The following LPP variants were observed in gnomAD, a reference collection of about 807,000 sequenced individuals.
The protein encoded by LPP is LIM domain containing preferred translocation partner in lipoma.
A neutral mutation model predicts 60.4 loss-of-function variants in LPP; 38 were observed. The ratio of observed to expected loss-of-function variants is 0.63; its 90% CI spans 0.49 to 0.83. The LOEUF (loss-of-function observed/expected upper bound fraction) is 0.83, where lower values mean the gene tolerates loss of function less well. LPP is among the 40% of genes least tolerant of loss of function. LPP has a pLI of 0.00. For synonymous variants in LPP, 328 were observed against 290.8 expected (o/e 1.13, Z -1.30); for missense variants, 902 against 783.6 (o/e 1.15, Z -1.80).
chr3:188,600,653 T>C (rs897609617), intron 6 of LPP, among the ~76,000 whole-genome samples: 1 of 152,130 alleles, frequency 6.6e-6, no homozygotes, highest in South Asian at 2.1e-4. Flanking sequence ...CCAGCAGAAC[T>C]GTATCTATTC....
intron 1 of LPP, among the ~76,000 whole-genome samples, chr3:188,216,255 CTCG>C (rs1288097446): frequency 3.3e-5 from 5 of 150,072 alleles, no homozygotes; most frequent in African/African-American, 1.2e-4. Context: ...CTTGACTCTG[CTCG>C]TCTTCTTCTT....
At chr3:188,248,495 T>TATATATATATACACATATAC (rs1358563921) in intron 2 of LPP, among the ~76,000 whole-genome samples, 4 of 138,594 alleles carry the variant, frequency 2.9e-5, no homozygotes, top group African/African-American at 8.6e-5. Flanking sequence ...TATATATATA[T>TATATATATATACACATATAC]ATACAGTCAG....
intron 6 of LPP, among the ~76,000 whole-genome samples, chr3:188,577,263 T>C (rs1302721644): frequency 6.6e-6 from 1 of 152,194 alleles, no homozygotes; most frequent in Non-Finnish European, 1.5e-5. Context: ...TCCCTGACAA[T>C]AACAAATTAT....
At chr3:188,374,182 G>T (rs1774208204) in intron 3 of LPP, among the ~76,000 whole-genome samples, 1 of 151,974 alleles carries the variant, frequency 6.6e-6, no homozygotes, top group African/African-American at 2.4e-5. Context: ...GATTGACTTG[G>T]CGATGCAGGC....
intron 9 of LPP, among the ~76,000 whole-genome samples, chr3:188,842,008 C>T (rs532856449): frequency 2.4e-4 from 37 of 152,324 alleles, no homozygotes; most frequent in Middle Eastern, 6.8e-3. Flanking sequence ...AATTAGACTT[C>T]CTCTCTTTCT....
chr3:188,395,682 T>G (rs1394839718), intron 3 of LPP, among the ~76,000 whole-genome samples: 1 of 152,120 alleles, frequency 6.6e-6, no homozygotes, highest in Non-Finnish European at 1.5e-5. Flanking sequence ...TCTCAGCAGT[T>G]TGGGAGGCCA....
chr3:188,163,629 G>A (rs951250306), intron 1 of LPP, among the ~76,000 whole-genome samples: 2 of 152,046 alleles, frequency 1.3e-5, no homozygotes, highest in African/African-American at 4.8e-5. Context: ...GTTAGAGGGG[G>A]TGCTAGGTGC....
At chr3:188,232,349 T>G (rs1720315654) in intron 2 of LPP, among the ~76,000 whole-genome samples, 1 of 151,722 alleles carries the variant, frequency 6.6e-6, no homozygotes, top group Non-Finnish European at 1.5e-5. Context: ...AATACTCATC[T>G]TATTCTTTTT....
At chr3:188,789,170 A>G (rs1324950943) in intron 9 of LPP, among the ~76,000 whole-genome samples, 1 of 152,104 alleles carries the variant, frequency 6.6e-6, no homozygotes, top group Non-Finnish European at 1.5e-5. Context: ...ATGCTATTGC[A>G]CACTTAATAG....
At chr3:188,388,011 T>C (rs893750018) in intron 3 of LPP, among the ~76,000 whole-genome samples, 3 of 152,172 alleles carry the variant, frequency 2.0e-5, no homozygotes, top group Non-Finnish European at 2.9e-5. Context: ...GTTTTTTTGG[T>C]ATTAGCATTT....
chr3:188,594,314 T>G (rs992739849), intron 6 of LPP, among the ~76,000 whole-genome samples: 1 of 152,176 alleles, frequency 6.6e-6, no homozygotes, highest in Non-Finnish European at 1.5e-5. Flanking sequence ...CTAAAGCAAT[T>G]CAGCAGTTCA....
chr3:188,657,361 G>T (rs1442779004), intron 7 of LPP, among the ~76,000 whole-genome samples: 2 of 149,186 alleles, frequency 1.3e-5, no homozygotes, highest in East Asian at 2.0e-4. Context: ...AAAAGGCAAA[G>T]AATTCTGTGA....
intron 6 of LPP, among the ~76,000 whole-genome samples, chr3:188,605,162 A>G (rs1354045240): frequency 7.2e-5 from 11 of 152,202 alleles, no homozygotes; most frequent in Non-Finnish European, 1.6e-4. Flanking sequence ...CTGGCTACCA[A>G]ATGAAGGACT....
At chr3:188,385,925 C>A (rs1034418404) in intron 3 of LPP, among the ~76,000 whole-genome samples, 1 of 152,042 alleles carries the variant, frequency 6.6e-6, no homozygotes, top group Non-Finnish European at 1.5e-5. Context: ...TGCATTTAAC[C>A]CCAAAATTAT....
intron 6 of LPP, among the ~76,000 whole-genome samples, chr3:188,582,149 T>G (rs1046225978): frequency 9.7e-6 from 1 of 103,316 alleles, no homozygotes. Context: ...TACCTTTTTC[T>G]TTTTCTTTTT....
chr3:188,281,611 A>G (rs1742077204), intron 2 of LPP, among the ~76,000 whole-genome samples: 2 of 150,854 alleles, frequency 1.3e-5, no homozygotes, highest in Admixed American at 1.3e-4. Context: ...CAAAAAAAAA[A>G]AAAAAAAAAA....
At chr3:188,836,579 T>C (rs542291676) in intron 9 of LPP, among the ~76,000 whole-genome samples, 66 of 152,384 alleles carry the variant, frequency 4.3e-4, no homozygotes, top group African/African-American at 1.2e-3. Context: ...AATGCATGAA[T>C]GAATGCATGG....
At chr3:188,855,028 T>G (rs1763489396) in intron 9 of LPP, among the ~76,000 whole-genome samples, 1 of 152,188 alleles carries the variant, frequency 6.6e-6, no homozygotes, top group African/African-American at 2.4e-5. Flanking sequence ...GCTGAAAACA[T>G]CATCACTTAA....
chr3:188,753,319 A>C (rs1728694789), intron 8 of LPP, among the ~76,000 whole-genome samples: 1 of 152,206 alleles, frequency 6.6e-6, no homozygotes, highest in African/African-American at 2.4e-5. Flanking sequence ...CAATACATAT[A>C]TTTACATCAG....
Sources: allele counts gnomAD v4.1 joint callset (sites outside exome capture counted in the v4.1 genomes callset), GRCh38; gene constraint gnomAD v4.1.1; transcripts MANE v1.5; gene names NCBI Gene and HGNC (gene_info 2026-07-23, HGNC 2026-07-21).